RSPO2: variants seen among roughly 807,000 people sequenced by gnomAD.
The protein encoded by RSPO2 is R-spondin-2.
In RSPO2, 14 loss-of-function variants were observed where a neutral mutation model predicts 30.9. The observed-to-expected ratio is 0.45, with a 90% CI of 0.30 to 0.71. RSPO2 has a LOEUF of 0.71. Ranked by LOEUF, RSPO2 falls within the 30% of genes least tolerant of loss-of-function variation. RSPO2 has a pLI of 0.08. For missense variants in RSPO2, 264 were observed against 301.9 expected (o/e 0.87, Z 0.93); for synonymous variants, 107 against 96.4 (o/e 1.11, Z -0.64).
At chr8:107,961,808 C>T (rs2453421) in intron 3 of RSPO2, among the ~76,000 whole-genome samples, 75,741 of 151,994 alleles carry the variant, frequency 0.5, 21,655 homozygotes, top group East Asian at 0.69. Context: ...GAATTAGAAA[C>T]ATGTATTTTT....
At position 108,070,483 on chromosome 8, in the gene RSPO2, G is replaced by A. The variant is rs544227159; in HGVS notation, c.94+12062C>T. On this transcript the variant is annotated intron_variant, in intron 2 of 5. Transcript: ENST00000276659. ...AATTTTTTGTATTTTTAGTAGAGAC[G>A]GGGTTTCACCTTGTTAGCCAGGATG... 1.2e-4 allele frequency among the ~76,000 whole-genome samples: 18 copies of A among 151,610 alleles called. No individual in the cohort carries two copies. The South Asian group carries it at 3.5e-3, about 30-fold the overall frequency.
At chr8:107,945,789 C>G (rs1480295511) in intron 5 of RSPO2, among the ~76,000 whole-genome samples, 1 of 152,180 alleles carries the variant, frequency 6.6e-6, no homozygotes, top group African/African-American at 2.4e-5. Flanking sequence ...CCCTGTTCAT[C>G]CTGCAACCCT....
intron 2 of RSPO2, among the ~76,000 whole-genome samples, chr8:108,041,984 T>C (rs1811774182): frequency 1.3e-5 from 2 of 151,866 alleles, no homozygotes; most frequent in African/African-American, 4.8e-5. Context: ...AAATAATAAA[T>C]AACCAGAATG....
In RSPO2 at chr8:108,063,776, C is replaced by G. The variant is rs538131747; in HGVS notation, c.94+18769G>C. On this transcript the variant is annotated intron_variant, in intron 2 of 5. Transcript: ENST00000276659. ...AGGCATCACGCTACCTGACTTCAAA[C>G]TATACTACAAGGCTACAGTAACCAA... 1.6e-3 allele frequency among the ~76,000 whole-genome samples: 242 copies of G among 152,202 alleles called. 1 individual carries two copies. Among genetic ancestry groups the G allele is most frequent in the African/African-American group, 5.7e-3 (237 of 41,476 alleles).
At chr8:107,968,388 C>A (rs1290312466) in intron 3 of RSPO2, among the ~76,000 whole-genome samples, 2 of 151,790 alleles carry the variant, frequency 1.3e-5, no homozygotes, top group African/African-American at 2.4e-5. Context: ...CCTGTGGGAG[C>A]TAAAAAAGTA....
chr8:107,924,174 C>T (rs904658401), intron 5 of RSPO2, among the ~76,000 whole-genome samples: 8 of 151,762 alleles, frequency 5.3e-5, no homozygotes, highest in Non-Finnish European at 1.2e-4. Context: ...CAAACAAACC[C>T]TCACTAAAGG....
intron 5 of RSPO2, among the ~76,000 whole-genome samples, chr8:107,946,847 G>A (rs997786141): frequency 1.8e-4 from 28 of 152,114 alleles, no homozygotes; most frequent in Non-Finnish European, 1.8e-4. Context: ...TAAATTTCCC[G>A]ATTCTGTTTT....
chr8:107,926,803 G>A lies in RSPO2; in HGVS notation c.617-25613C>T, dbSNP rs1434506063. Among the ~76,000 whole-genome samples, 4 of 152,274 alleles carry A rather than the reference G, an allele frequency of 2.6e-5. No homozygotes were observed. The East Asian group carries it at 7.7e-4, about 29-fold the overall frequency. Reference sequence around the variant, plus strand: ...ATGCTGTTTTGGTTACTGTAGCCTTGTAGTATAGTTTGAAGTCAGGTAGCA... The same window carrying A: ...ATGCTGTTTTGGTTACTGTAGCCTTATAGTATAGTTTGAAGTCAGGTAGCA... On this transcript the variant is annotated intron_variant, in intron 5 of 5. Coordinates refer to ENST00000276659, the MANE Select transcript of RSPO2 (RefSeq NM_178565.5).
At chr8:107,996,928 G>A (rs1563555946) in intron 2 of RSPO2, 2 of 455,356 alleles carry the variant, frequency 4.4e-6, no homozygotes, top group African/African-American at 2.0e-5. Context: ...CCATATCTTA[G>A]GTTATCTTTA....
chr8:107,944,895 G>A (rs1057100631), intron 5 of RSPO2, among the ~76,000 whole-genome samples: 3 of 151,908 alleles, frequency 2.0e-5, no homozygotes, highest in Non-Finnish European at 4.4e-5. Context: ...TTTAACCAAG[G>A]ATGAGAGTCC....
At chr8:107,917,227 G>A (rs745645703) in intron 5 of RSPO2, among the ~76,000 whole-genome samples, 2 of 152,178 alleles carry the variant, frequency 1.3e-5, no homozygotes, top group Non-Finnish European at 2.9e-5. Context: ...GCTCATGCCT[G>A]TAATCCCAGC....
intron 2 of RSPO2, among the ~76,000 whole-genome samples, chr8:108,060,542 C>T (rs1233790606): frequency 6.6e-6 from 1 of 151,700 alleles, no homozygotes; most frequent in East Asian, 1.9e-4. Flanking sequence ...TGTGAAAAGA[C>T]CAAATCTACG....
intron 3 of RSPO2, among the ~76,000 whole-genome samples, chr8:107,982,898 A>C (rs1814496820): frequency 1.3e-5 from 2 of 152,130 alleles, no homozygotes; most frequent in Non-Finnish European, 2.9e-5. Flanking sequence ...CAATATTAAT[A>C]TACTATATTT....
rs1039052154 is a variant in RSPO2 at position 108,082,731 on chromosome 8, A to T, written c.-93T>A. 3.9e-5 allele frequency: 39 copies of T among 1,007,506 alleles called. No individual in the cohort carries two copies. Among genetic ancestry groups the T allele is most frequent in the Non-Finnish European group, 5.9e-5 (39 of 661,258 alleles). The allele number at this position is 1,007,506 out of a possible 1,614,324, so 62.4% of individuals were successfully genotyped here. A position where few individuals can be genotyped will look rare whatever the true frequency, so the allele number is the denominator to read the frequency against. ...GGCGCCGGCCGCGCTGCTGGGGAGG[A>T]CTCAGAGGGAGACTCGCCACTCACC... is the stretch of plus-strand genomic sequence containing the variant. On this transcript the variant is annotated 5_prime_UTR_variant, in exon 2 of 6. Coordinates refer to ENST00000276659, the MANE Select transcript of RSPO2 (RefSeq NM_178565.5).
chr8:108,028,959 AT>A (rs5893900), intron 2 of RSPO2, among the ~76,000 whole-genome samples: 102,333 of 146,658 alleles, frequency 0.7, 35,711 homozygotes, highest in South Asian at 0.74. Context: ...TAAATATCTA[AT>A]TTTTTTTTTT....
intron 5 of RSPO2, among the ~76,000 whole-genome samples, chr8:107,913,094 C>A (rs565446256): frequency 4.1e-4 from 63 of 152,080 alleles, no homozygotes; most frequent in African/African-American, 1.5e-3. Context: ...GTGAAGATAT[C>A]CCAAATTTTC....
intron 2 of RSPO2, among the ~76,000 whole-genome samples, chr8:108,060,001 A>C (rs186799794): frequency 1.3e-5 from 2 of 151,320 alleles, no homozygotes; most frequent in African/African-American, 4.9e-5. Flanking sequence ...TTAAAGTATA[A>C]TACTAATAAA....
At chr8:107,978,460 G>A (rs1327436789) in intron 3 of RSPO2, among the ~76,000 whole-genome samples, 1 of 152,116 alleles carries the variant, frequency 6.6e-6, no homozygotes, top group Non-Finnish European at 1.5e-5. Flanking sequence ...TGGTTGCTGG[G>A]AAAACTGGCT....
intron 2 of RSPO2, among the ~76,000 whole-genome samples, chr8:108,057,578 A>T (rs1210917409): frequency 6.6e-6 from 1 of 152,242 alleles, no homozygotes; most frequent in Non-Finnish European, 1.5e-5. Flanking sequence ...CCAAAATAAC[A>T]TTCAAAATTC....
Sources: gnomAD v4.1 joint callset for allele counts (sites outside exome capture counted in the v4.1 genomes callset) on GRCh38, gnomAD v4.1.1 for gene constraint, MANE v1.5 for transcripts, NCBI Gene and HGNC (gene_info 2026-07-23, HGNC 2026-07-21) for gene names.